The following OPCML variants were observed in gnomAD, a reference collection of about 807,000 sequenced individuals.
OPCML encodes the protein opioid-binding protein/cell adhesion molecule.
Under a neutral mutation model 37.8 loss-of-function variants are expected in OPCML, and 13 were observed. That is an observed-to-expected ratio of 0.34 (90% CI 0.22 to 0.55). The LOEUF is 0.55. Ranked by LOEUF, OPCML falls within the 20% of genes least tolerant of loss-of-function variation. OPCML has a pLI of 0.91. For synonymous variants in OPCML, 176 were observed against 168.8 expected (o/e 1.04, Z -0.33); for missense variants, 341 against 435.6 (o/e 0.78, Z 1.93).
chr11:133,090,165 T>C (rs1046821436), intron 1 of OPCML, among the ~76,000 whole-genome samples: 1 of 152,146 alleles, frequency 6.6e-6, no homozygotes, highest in Admixed American at 6.6e-5. Flanking sequence ...ATGCTTCTCC[T>C]CCTAGATACC....
intron 1 of OPCML, among the ~76,000 whole-genome samples, chr11:133,396,436 A>T (rs10894675): frequency 2.6e-5 from 4 of 151,720 alleles, no homozygotes; most frequent in South Asian, 4.2e-4. Context: ...TTATTTTTCC[A>T]CATTCCTATG....
At chr11:132,572,563 T>A (rs1204110346) in intron 3 of OPCML, among the ~76,000 whole-genome samples, 1 of 152,146 alleles carries the variant, frequency 6.6e-6, no homozygotes, top group African/African-American at 2.4e-5. Flanking sequence ...ATTGACTATG[T>A]ATGTGAATTT....
intron 3 of OPCML, among the ~76,000 whole-genome samples, chr11:132,633,714 G>T (rs562981643): frequency 1.3e-5 from 2 of 152,254 alleles, no homozygotes; most frequent in East Asian, 3.9e-4. Flanking sequence ...GGTGGTAAGG[G>T]GTGTGTATGG....
At chr11:132,538,657 A>G (rs566288221) in intron 3 of OPCML, among the ~76,000 whole-genome samples, 1 of 152,332 alleles carries the variant, frequency 6.6e-6, no homozygotes, top group Non-Finnish European at 1.5e-5. Context: ...ACCCCAACAC[A>G]TGTGACTTCT....
chr11:132,812,814 G>C (rs1048929590), intron 2 of OPCML, among the ~76,000 whole-genome samples: 13 of 152,118 alleles, frequency 8.5e-5, no homozygotes, highest in African/African-American at 3.1e-4. Context: ...TTCTCCTTGA[G>C]GGCAGGAGCC....
At chr11:133,425,260 C>CTCA (rs1945978370) in intron 1 of OPCML, among the ~76,000 whole-genome samples, 1 of 152,180 alleles carries the variant, frequency 6.6e-6, no homozygotes, top group African/African-American at 2.4e-5. Flanking sequence ...ACATAAATAT[C>CTCA]TCATCTTTAT....
rs945391900 is a variant in OPCML at position 132,521,625 on chromosome 11, G to A, written c.505+7436C>T. Reference sequence around the variant, plus strand: ...CTTGTCGGGGTGTGAGGGGGAAGGGGAGCGTGAGCATTAAGACAAATACCT... The same window carrying A: ...CTTGTCGGGGTGTGAGGGGGAAGGGAAGCGTGAGCATTAAGACAAATACCT... On this transcript the variant is annotated intron_variant, in intron 4 of 7. Coordinates refer to ENST00000524381, the MANE Select transcript of OPCML (RefSeq NM_001012393.5). Among the ~76,000 whole-genome samples the A allele has an allele frequency of 1.3e-4, 19 of 151,914 alleles. No individual in the cohort carries two copies. In the South Asian group the frequency reaches 2.1e-3, roughly 17 times the overall value.
intron 4 of OPCML, among the ~76,000 whole-genome samples, chr11:132,494,973 T>C (rs1479092843): frequency 2.0e-5 from 3 of 152,006 alleles, no homozygotes; most frequent in Admixed American, 2.0e-4. Context: ...AGGGAATACA[T>C]TTCGACTACA....
At chr11:132,866,980 C>A (rs1942587783) in intron 2 of OPCML, among the ~76,000 whole-genome samples, 1 of 152,148 alleles carries the variant, frequency 6.6e-6, no homozygotes, top group Non-Finnish European at 1.5e-5. Flanking sequence ...AGAAACAAGC[C>A]CAGGCTTAGA....
intron 1 of OPCML, among the ~76,000 whole-genome samples, chr11:133,426,460 C>A (rs1157516848): frequency 6.6e-6 from 1 of 152,176 alleles, no homozygotes; most frequent in African/African-American, 2.4e-5. Context: ...TCTCCCTGTC[C>A]TAGAATCTGG....
chr11:133,510,508 C>T (rs568262697), intron 1 of OPCML, among the ~76,000 whole-genome samples: 1 of 152,320 alleles, frequency 6.6e-6, no homozygotes, highest in African/African-American at 2.4e-5. Context: ...TTAGCTTCCC[C>T]CTCTCTTGGG....
chr11:132,885,324 T>C (rs1023417922), intron 2 of OPCML, among the ~76,000 whole-genome samples: 1 of 152,184 alleles, frequency 6.6e-6, no homozygotes, highest in Non-Finnish European at 1.5e-5. Flanking sequence ...TGTTCAGTCA[T>C]CTAAAACCAC....
At chr11:133,469,156 T>C (rs7130864) in intron 1 of OPCML, among the ~76,000 whole-genome samples, 43,492 of 152,098 alleles carry the variant, frequency 0.29, 7,800 homozygotes, top group African/African-American at 0.51. Flanking sequence ...ATCTTTATAC[T>C]CCCTTTCTAA....
chr11:133,289,936 G>C (rs181243938), intron 1 of OPCML, among the ~76,000 whole-genome samples: 14 of 152,088 alleles, frequency 9.2e-5, no homozygotes, highest in African/African-American at 3.1e-4. Context: ...GTTCTGACCC[G>C]GCCATCTAAT....
At chr11:133,455,584 C>G (rs1309819690) in intron 1 of OPCML, among the ~76,000 whole-genome samples, 1 of 152,044 alleles carries the variant, frequency 6.6e-6, no homozygotes, top group Non-Finnish European at 1.5e-5. Flanking sequence ...TTCTTATTAC[C>G]CTCAGGAAAA....
intron 2 of OPCML, among the ~76,000 whole-genome samples, chr11:132,716,985 A>G (rs1254972058): frequency 6.6e-6 from 1 of 152,210 alleles, no homozygotes; most frequent in African/African-American, 2.4e-5. Flanking sequence ...CTGTCTAAAA[A>G]TGTTCAACTT....
At chr11:132,884,320 G>A (rs1418487135) in intron 2 of OPCML, among the ~76,000 whole-genome samples, 1 of 152,188 alleles carries the variant, frequency 6.6e-6, no homozygotes, top group Non-Finnish European at 1.5e-5. Context: ...GGCAGATTGA[G>A]GAGCAGGTAT....
intron 1 of OPCML, among the ~76,000 whole-genome samples, chr11:133,273,071 G>C (rs898134343): frequency 2.6e-5 from 4 of 152,142 alleles, no homozygotes; most frequent in African/African-American, 9.7e-5. Context: ...AAGGCTGCCA[G>C]GGGTTTCAAG....
intron 2 of OPCML, among the ~76,000 whole-genome samples, chr11:132,690,687 C>CGT (rs1171208612): frequency 6.6e-6 from 1 of 152,106 alleles, no homozygotes; most frequent in East Asian, 1.9e-4. Flanking sequence ...TGTGCTCATG[C>CGT]GTGTGTGCCT....
Sources: gnomAD v4.1 joint callset for allele counts (sites outside exome capture counted in the v4.1 genomes callset) on GRCh38, gnomAD v4.1.1 for gene constraint, MANE v1.5 for transcripts, NCBI Gene and HGNC (gene_info 2026-07-23, HGNC 2026-07-21) for gene names.